The following TCF12 variants were observed in gnomAD, a reference collection of about 807,000 sequenced individuals.
The protein encoded by TCF12 is transcription factor 12.
In TCF12, 45 loss-of-function variants were observed where a neutral mutation model predicts 86.0. The ratio of observed to expected loss-of-function variants is 0.52; its 90% confidence interval spans 0.41 to 0.67. The LOEUF (loss-of-function observed/expected upper bound fraction) is 0.67, where lower values mean the gene tolerates loss of function less well. Ranked by LOEUF, TCF12 falls within the 30% of genes least tolerant of loss-of-function variation. The pLI is 0.00. For missense variants in TCF12, 881 were observed against 859.9 expected (o/e 1.02, Z -0.31); for synonymous variants, 330 against 299.6 (o/e 1.10, Z -1.05).
intron 3 of TCF12, among the ~76,000 whole-genome samples, chr15:56,923,186 G>A (rs2059866405): frequency 6.6e-6 from 1 of 151,900 alleles, no homozygotes; most frequent in Admixed American, 6.6e-5. Context: ...TTTCTTATTT[G>A]TCCTTTTTGA....
chr15:57,061,717 C>G (rs2068469446), intron 3 of TCF12, among the ~76,000 whole-genome samples: 1 of 152,162 alleles, frequency 6.6e-6, no homozygotes, highest in Non-Finnish European at 1.5e-5. Flanking sequence ...TTCATCAGGA[C>G]AAGATTCATC....
intron 5 of TCF12, among the ~76,000 whole-genome samples, chr15:57,115,032 A>G (rs2050746970): frequency 6.6e-6 from 1 of 152,202 alleles, no homozygotes; most frequent in African/African-American, 2.4e-5. Context: ...TCAAACAATT[A>G]AATGTCTGAT....
chr15:57,214,934 G>A (rs977862008), intron 8 of TCF12, among the ~76,000 whole-genome samples: 1 of 152,080 alleles, frequency 6.6e-6, no homozygotes, highest in African/African-American at 2.4e-5. Flanking sequence ...AGTGATTGTT[G>A]AATTAAAAGA....
chr15:56,941,348 T>C (rs542730058), intron 3 of TCF12, among the ~76,000 whole-genome samples: 4 of 151,566 alleles, frequency 2.6e-5, no homozygotes, highest in East Asian at 2.0e-4. Flanking sequence ...ACCTGGATGA[T>C]AGTGTGGGAC....
intron 3 of TCF12, among the ~76,000 whole-genome samples, chr15:56,992,509 A>G (rs1337010134): frequency 6.6e-6 from 1 of 152,206 alleles, no homozygotes; most frequent in African/African-American, 2.4e-5. Context: ...GTCACATAAC[A>G]TTTTGTTGAA....
chr15:57,021,291 T>G (rs1002974313), intron 3 of TCF12, among the ~76,000 whole-genome samples: 1 of 152,166 alleles, frequency 6.6e-6, no homozygotes, highest in African/African-American at 2.4e-5. Context: ...CCTGAGGCCA[T>G]TGTGTCATGC....
chr15:56,990,799 CTT>C (rs59425097), intron 3 of TCF12, among the ~76,000 whole-genome samples: 1 of 148,332 alleles, frequency 6.7e-6, no homozygotes, highest in African/African-American at 2.5e-5. Flanking sequence ...TTTTCTTTTT[CTT>C]TTTTTTTTTG....
intron 6 of TCF12, among the ~76,000 whole-genome samples, chr15:57,171,425 C>T (rs2055490890): frequency 6.6e-6 from 1 of 151,942 alleles, no homozygotes; most frequent in Admixed American, 6.6e-5. Flanking sequence ...GCCATTTTGT[C>T]TTACCTATTC....
chr15:57,129,126 T>C (rs1185308539), intron 5 of TCF12, among the ~76,000 whole-genome samples: 1 of 152,270 alleles, frequency 6.6e-6, no homozygotes, highest in Non-Finnish European at 1.5e-5. Flanking sequence ...AAAGTGGCTC[T>C]GCACCATTTT....
At chr15:57,111,219 C>T (rs2050467000) in intron 5 of TCF12, among the ~76,000 whole-genome samples, 2 of 152,026 alleles carry the variant, frequency 1.3e-5, no homozygotes, top group African/African-American at 4.8e-5. Context: ...GTTATTTCAC[C>T]CTGGACGGAG....
At chr15:56,929,323 T>C (rs2060146752) in intron 3 of TCF12, among the ~76,000 whole-genome samples, 1 of 152,188 alleles carries the variant, frequency 6.6e-6, no homozygotes, top group South Asian at 2.1e-4. Context: ...AAAATGGTTT[T>C]GGTAGAAAGA....
intron 3 of TCF12, among the ~76,000 whole-genome samples, chr15:56,950,745 GTTTTTTT>G (rs71113040): frequency 3.5e-5 from 3 of 85,922 alleles, no homozygotes; most frequent in East Asian, 3.3e-4. Context: ...TTATGACCAT[GTTTTTTT>G]TTTTTTTTTT....
At chr15:57,204,793 A>G (rs2057730278) in intron 8 of TCF12, among the ~76,000 whole-genome samples, 1 of 152,154 alleles carries the variant, frequency 6.6e-6, no homozygotes, top group Non-Finnish European at 1.5e-5. Context: ...GATGACAAAC[A>G]GAACTTTCTG....
At chr15:57,067,347 C>T (rs929987249) in intron 4 of TCF12, among the ~76,000 whole-genome samples, 10 of 151,444 alleles carry the variant, frequency 6.6e-5, no homozygotes, top group South Asian at 2.1e-4. Flanking sequence ...GAGACCATCC[C>T]GGCTAAAACG....
intron 6 of TCF12, among the ~76,000 whole-genome samples, chr15:57,176,944 G>A (rs1469990612): frequency 3.9e-5 from 6 of 152,176 alleles, no homozygotes; most frequent in Admixed American, 2.6e-4. Flanking sequence ...GTAGATTGGT[G>A]ATTTAGGGAA....
chr15:56,940,414 C>T (rs745361678), intron 3 of TCF12, among the ~76,000 whole-genome samples: 2 of 152,080 alleles, frequency 1.3e-5, no homozygotes, highest in African/African-American at 4.8e-5. Flanking sequence ...TTAGACTGCA[C>T]ATCTAGACAT....
At chr15:57,200,108 C>T (rs2057465631) in intron 8 of TCF12, among the ~76,000 whole-genome samples, 2 of 150,782 alleles carry the variant, frequency 1.3e-5, no homozygotes, top group South Asian at 4.2e-4. Flanking sequence ...TCTTGAACTC[C>T]TGGGCTCTGT....
chr15:57,250,902 AAAAG>A (rs2060083180), intron 13 of TCF12, among the ~76,000 whole-genome samples: 1 of 151,978 alleles, frequency 6.6e-6, no homozygotes, highest in Non-Finnish European at 1.5e-5. Flanking sequence ...TCAAAAAAAA[AAAAG>A]AAAAAGAAGA....
chr15:57,246,987 C>A, intron 13 of TCF12: 1 of 541,944 alleles, frequency 1.8e-6, no homozygotes, highest in South Asian at 1.4e-5. Flanking sequence ...ATATCCACCA[C>A]TTTCACCACC....
Sources: allele counts gnomAD v4.1 joint callset (sites outside exome capture counted in the v4.1 genomes callset), GRCh38; gene constraint gnomAD v4.1.1; transcripts MANE v1.5; gene names NCBI Gene and HGNC (gene_info 2026-07-23, HGNC 2026-07-21).